The following BCO2 variants were observed in gnomAD, a reference collection of about 807,000 sequenced individuals.
BCO2 encodes beta-carotene oxygenase 2.
A neutral mutation model predicts 65.8 loss-of-function variants in BCO2; 56 were observed. The ratio of observed to expected loss-of-function variants is 0.85; its 90% CI spans 0.69 to 1.06. The LOEUF is 1.06. Ranked by LOEUF, BCO2 falls within the 50% of genes least tolerant of loss-of-function variation. The probability of loss-of-function intolerance (pLI) is 0.00; values close to 1 mark genes in which losing one functional copy is unlikely to be tolerated. For synonymous variants in BCO2, 233 were observed against 242.3 expected (o/e 0.96, Z 0.36); for missense variants, 675 against 698.5 (o/e 0.97, Z 0.38).
chr11:112,179,263 G>A lies in BCO2; in HGVS notation c.89-15G>A, dbSNP rs201937274. ...TGGTAAAATATTTTTTGTGCTTTTG[G>A]TTTCCTCTGCACAGTTTTCAAAAGG... is the stretch of plus-strand genomic sequence containing the variant. On this transcript the variant is annotated splice_polypyrimidine_tract_variant and intron_variant, in intron 1 of 11. Transcript: ENST00000357685. The A allele has an allele frequency of 7.2e-5, 116 of 1,611,308 alleles. 1 individual carries two copies. Among genetic ancestry groups the A allele is most frequent in the Non-Finnish European group, 9.6e-5 (113 of 1,178,056 alleles).
intron 2 of BCO2, chr11:112,179,724 G>A (rs1866980755): frequency 2.1e-6 from 1 of 487,338 alleles, no homozygotes; most frequent in Admixed American, 3.4e-5. Context: ...AAAGAAGAGA[G>A]GTGTCAGAAG....
chr11:112,213,915 T>G, intron 9 of BCO2, 54 bp downstream of exon 9: 1 of 969,982 alleles, frequency 1.0e-6, no homozygotes, highest in Non-Finnish European at 1.4e-6. Flanking sequence ...GGTGTTACTT[T>G]ATTCTTTAGC....
Position 112,179,389 on chromosome 11 carries a change from G to C in BCO2, c.200G>C (p.Gly67Ala), listed in dbSNP as rs1438441198. 2.5e-6 allele frequency: 4 copies of C among 1,614,196 alleles called. No individual in the cohort carries two copies. Among genetic ancestry groups the C allele is most frequent in the Non-Finnish European group, 3.4e-6 (4 of 1,180,030 alleles). ...ACCACAGTGGAAGAGGCTCCACGGG[G>C]CATCTCTGCTCGAGTCTGGGGACAT... ...LLTTVEEAPRGISARVWGHFP... is the reference protein window; with the variant it reads ...LLTTVEEAPRAISARVWGHFP... Residue 67 changes from glycine to alanine, a missense_variant, in exon 2 of 12, where the codon GGC (glycine) becomes GCC (alanine). Physicochemically the swap from Gly to Ala is moderately conservative, Grantham distance 60. Coordinates refer to ENST00000357685, the MANE Select transcript of BCO2 (RefSeq NM_031938.7).
At chr11:112,188,646 C>G (rs1410969814) in intron 2 of BCO2, among the ~76,000 whole-genome samples, 3 of 152,178 alleles carry the variant, frequency 2.0e-5, no homozygotes, top group Non-Finnish European at 2.9e-5. Flanking sequence ...CCCTTGTCCT[C>G]TCTGCAATTG....
chr11:112,217,742 A>G lies in BCO2; in HGVS notation c.1627-19A>G, dbSNP rs1417852439. On this transcript the variant is annotated intron_variant, in intron 11 of 11. Transcript: ENST00000357685. ...TGATGAAAAAAAGATAATTTTCAATATTGTCTTTTCTTTTCTAGAATGAAA... is the reference window on the plus strand; with the variant it reads ...TGATGAAAAAAAGATAATTTTCAATGTTGTCTTTTCTTTTCTAGAATGAAA... The G allele has an allele frequency of 6.4e-7, 1 of 1,554,228 alleles. No individual in the cohort carries two copies. The highest frequency in any genetic ancestry group is 1.4e-5 in the African/African-American group (1 of 73,136).
At chr11:112,213,017 T>C (rs1859551545) in intron 8 of BCO2, among the ~76,000 whole-genome samples, 1 of 152,146 alleles carries the variant, frequency 6.6e-6, no homozygotes, top group Non-Finnish European at 1.5e-5. Context: ...GTTGATCCTT[T>C]TCCACACAGA....
chr11:112,193,827 C>A, intron 3 of BCO2, 52 bp from the exon 4 acceptor site: 1 of 1,443,650 alleles, frequency 6.9e-7, no homozygotes, highest in Non-Finnish European at 9.8e-7. Flanking sequence ...GTGTGCTTAG[C>A]GTCGTCTACA....
At position 112,213,831 on chromosome 11, in the gene BCO2, A is replaced by C. The variant is rs753704590; in HGVS notation, c.1302A>C (p.Ser434=). The C allele has an allele frequency of 2.7e-5, 43 of 1,591,866 alleles. No homozygotes were observed. Among genetic ancestry groups the C allele is most frequent in the Non-Finnish European group, 3.6e-5 (42 of 1,169,526 alleles). ...ACCTGAGTCCATTGTCCTATACTTC[A>C]GCCAGTGCTGTGAAACAGGCTGATG... The part of the protein sequence containing the change: ...GDNLSPLSYT[S]ASAVKQADGT... Residue 434 remains serine (S), a synonymous_variant, in exon 9 of 12, where the codon TCA becomes TCC. Coordinates refer to ENST00000357685, the MANE Select transcript of BCO2 (RefSeq NM_031938.7).
At chr11:112,201,776 G>A (rs976942655) in intron 7 of BCO2, among the ~76,000 whole-genome samples, 19 of 152,100 alleles carry the variant, frequency 1.2e-4, no homozygotes, top group African/African-American at 3.4e-4. Context: ...TTTTAAGTTC[G>A]TTATAACAAT....
chr11:112,193,368 G>C (rs761984650), intron 2 of BCO2, 106 bp from the exon 3 acceptor site: 40 of 1,074,552 alleles, frequency 3.7e-5, no homozygotes, highest in Non-Finnish European at 5.5e-5. Flanking sequence ...CTGGGAACCT[G>C]TCCCATTTCC....
At position 112,199,762 on chromosome 11, in the gene BCO2, G is replaced by T; in HGVS notation, c.800G>T (p.Gly267Val). ...GTGGACCTTGGGGAGACAATCCATG[G>T]AGTCCAGGTGATATGTTCTATTGCT... Reference protein sequence around the residue: ...EKVDLGETIHGVQVICSIAST... With the variant: ...EKVDLGETIHVVQVICSIAST... Residue 267 changes from glycine to valine, a missense_variant, in exon 6 of 12, where the codon GGA (glycine) becomes GTA (valine). Coordinates refer to ENST00000357685, the MANE Select transcript of BCO2 (RefSeq NM_031938.7). 1 of 1,613,646 alleles carries T rather than the reference G, an allele frequency of 6.2e-7. No homozygotes were observed. Among genetic ancestry groups the T allele is most frequent in the Non-Finnish European group, 8.5e-7 (1 of 1,179,586 alleles).
At chr11:112,215,188 T>C (rs1859634778) in intron 10 of BCO2, 6 of 507,510 alleles carry the variant, frequency 1.2e-5, no homozygotes, top group South Asian at 1.1e-4. Flanking sequence ...GGAGCAATTG[T>C]GGGGTTAGGG....
At chr11:112,203,750 C>T (rs1313825783) in intron 8 of BCO2, among the ~76,000 whole-genome samples, 1 of 152,140 alleles carries the variant, frequency 6.6e-6, no homozygotes, top group Non-Finnish European at 1.5e-5. Flanking sequence ...TTGTCTTTGC[C>T]TTCCCCTCCC....
At chr11:112,204,502 G>A (rs1051594168) in intron 8 of BCO2, among the ~76,000 whole-genome samples, 17 of 152,030 alleles carry the variant, frequency 1.1e-4, no homozygotes, top group African/African-American at 4.1e-4. Context: ...GTCCTTATAT[G>A]CAAATTTTCT....
chr11:112,210,921 T>G (rs1859491059), intron 8 of BCO2, among the ~76,000 whole-genome samples: 3 of 152,164 alleles, frequency 2.0e-5, no homozygotes, highest in African/African-American at 7.2e-5. Flanking sequence ...TCTGTATTAT[T>G]TCTTTTTTTA....
chr11:112,198,155 C>G (rs185581789), intron 5 of BCO2, among the ~76,000 whole-genome samples: 2 of 152,122 alleles, frequency 1.3e-5, no homozygotes, highest in East Asian at 1.9e-4. Context: ...AGAAAAACAA[C>G]AAGGCAAAAT....
intron 2 of BCO2, chr11:112,181,476 C>G (rs1256721498): frequency 2.9e-6 from 2 of 690,014 alleles, no homozygotes; most frequent in South Asian, 1.4e-5. Flanking sequence ...CCACCGCGCC[C>G]GGCCGAGCTT....
intron 8 of BCO2, among the ~76,000 whole-genome samples, chr11:112,203,080 G>C (rs535643129): frequency 6.7e-6 from 1 of 149,942 alleles, no homozygotes; most frequent in Non-Finnish European, 1.5e-5. Context: ...ATATGTGATA[G>C]TTCCTTATTT....
At position 112,179,299 on chromosome 11, in the gene BCO2, A is replaced by G; in HGVS notation, c.110A>G (p.Asn37Ser). 1 of 1,614,162 alleles carries G rather than the reference A, an allele frequency of 6.2e-7. No individual in the cohort carries two copies. Among genetic ancestry groups the G allele is most frequent in the Non-Finnish European group, 8.5e-7 (1 of 1,180,020 alleles). ...ACAGTTTTCAAAAGGTACATGGGAA[A>G]TACTCCTCAGAAAAAAGCCGTCTTT... is the stretch of plus-strand genomic sequence containing the variant. The part of the protein sequence containing the change: ...RLPVFKRYMG[N>S]TPQKKAVFGQ... The change falls in exon 2 of 12, where the codon AAT (asparagine) becomes AGT (serine). Residue 37 changes from asparagine to serine, a missense_variant. Transcript: ENST00000357685.
Sources: gnomAD v4.1 joint callset for allele counts (sites outside exome capture counted in the v4.1 genomes callset) on GRCh38, gnomAD v4.1.1 for gene constraint, MANE v1.5 for transcripts, NCBI Gene and HGNC (gene_info 2026-07-23, HGNC 2026-07-21) for gene names.